RNGTT: variants seen among roughly 807,000 people sequenced by gnomAD.
RNGTT encodes mRNA-capping enzyme.
A neutral mutation model predicts 79.3 loss-of-function variants in RNGTT; 33 were observed. The ratio of observed to expected loss-of-function variants is 0.42; its 90% CI spans 0.32 to 0.56. The LOEUF (loss-of-function observed/expected upper bound fraction) is 0.56, where lower values mean the gene tolerates loss of function less well. RNGTT is among the 20% of genes least tolerant of loss of function. The pLI is 0.17. For synonymous variants in RNGTT, 222 were observed against 235.9 expected (o/e 0.94, Z 0.54); for missense variants, 497 against 739.1 (o/e 0.67, Z 3.80).
rs546707065 is a variant in RNGTT, at chr6:88,691,646, T to C, written c.1440-13227A>G. On this transcript the variant is annotated intron_variant, in intron 13 of 15. Coordinates refer to ENST00000369485, the MANE Select transcript of RNGTT (RefSeq NM_003800.5). ...GGCCTCTAGGATGCTGGCAATATTA[T>C]TTTTATTGCCCTAAGTAGTTATTAA... Among the ~76,000 whole-genome samples, 8 of 152,322 alleles carry C rather than the reference T, an allele frequency of 5.3e-5. No homozygotes were observed. The South Asian group carries it at 1.5e-3, about 28-fold the overall frequency.
intron 11 of RNGTT, among the ~76,000 whole-genome samples, chr6:88,836,455 A>G (rs938314144): frequency 3.3e-5 from 5 of 152,126 alleles, no homozygotes; most frequent in Non-Finnish European, 7.4e-5. Context: ...AAATTATCAG[A>G]TATTTGCCAG....
intron 14 of RNGTT, among the ~76,000 whole-genome samples, chr6:88,627,480 C>A (rs1471653958): frequency 6.6e-6 from 1 of 151,952 alleles, no homozygotes; most frequent in Non-Finnish European, 1.5e-5. Context: ...CCTTTCTCAC[C>A]CATTTTAAAC....
At chr6:88,857,778 A>G (rs1408612343) in intron 8 of RNGTT, among the ~76,000 whole-genome samples, 1 of 152,186 alleles carries the variant, frequency 6.6e-6, no homozygotes, top group African/African-American at 2.4e-5. Flanking sequence ...AGTAAAGCCT[A>G]TACCAAAATA....
chr6:88,914,179 G>T (rs1050250328), intron 4 of RNGTT, among the ~76,000 whole-genome samples: 4 of 151,096 alleles, frequency 2.6e-5, no homozygotes, highest in African/African-American at 9.9e-5. Context: ...TGGATTGAAA[G>T]AATCAATATC....
intron 13 of RNGTT, among the ~76,000 whole-genome samples, chr6:88,752,436 ATACTT>A (rs1426443154): frequency 9.2e-5 from 14 of 152,124 alleles, no homozygotes; most frequent in African/African-American, 3.4e-4. Flanking sequence ...AATTTCATAA[ATACTT>A]TAGGCTAAAT....
At chr6:88,626,309 A>C (rs2127767510) in intron 14 of RNGTT, among the ~76,000 whole-genome samples, 1 of 152,162 alleles carries the variant, frequency 6.6e-6, no homozygotes, top group Middle Eastern at 3.4e-3. Flanking sequence ...CTAGGTCTTC[A>C]TGAATCAAAA....
intron 14 of RNGTT, among the ~76,000 whole-genome samples, chr6:88,647,715 A>AAAAAGAAG (rs531898293): frequency 7.0e-6 from 1 of 142,446 alleles, no homozygotes; most frequent in African/African-American, 3.0e-5. Flanking sequence ...AAAAAAAAAA[A>AAAAAGAAG]AAGAAGAAGA....
intron 13 of RNGTT, among the ~76,000 whole-genome samples, chr6:88,723,672 A>G (rs1010204453): frequency 1.3e-5 from 2 of 152,216 alleles, no homozygotes; most frequent in African/African-American, 4.8e-5. Context: ...ATCTTATAGA[A>G]TAAGGATATC....
chr6:88,862,892 T>C (rs1782058373), intron 8 of RNGTT, among the ~76,000 whole-genome samples: 2 of 152,332 alleles, frequency 1.3e-5, no homozygotes, highest in South Asian at 2.1e-4. Context: ...TTCGGCAATA[T>C]AAGAGATTCT....
intron 14 of RNGTT, among the ~76,000 whole-genome samples, chr6:88,673,659 G>T (rs1406863634): frequency 6.6e-6 from 1 of 152,114 alleles, no homozygotes; most frequent in Non-Finnish European, 1.5e-5. Context: ...CAGGCATAAA[G>T]GATTGACAAA....
At chr6:88,944,277 G>A (rs939796696) in intron 1 of RNGTT, among the ~76,000 whole-genome samples, 7 of 152,184 alleles carry the variant, frequency 4.6e-5, no homozygotes, top group East Asian at 1.9e-4. Flanking sequence ...AAGCAAGAGC[G>A]ATTAAGTAAC....
chr6:88,656,368 T>A (rs1034672500), intron 14 of RNGTT, among the ~76,000 whole-genome samples: 1 of 152,162 alleles, frequency 6.6e-6, no homozygotes, highest in African/African-American at 2.4e-5. Context: ...TTACCACTCA[T>A]TATAAAATGA....
chr6:88,849,258 T>G (rs1359348181), intron 10 of RNGTT, among the ~76,000 whole-genome samples: 1 of 152,022 alleles, frequency 6.6e-6, no homozygotes, highest in African/African-American at 2.4e-5. Context: ...TTGTTTTAAA[T>G]ACAGAATTTC....
chr6:88,950,782 T>C (rs763434166), intron 1 of RNGTT, among the ~76,000 whole-genome samples: 1 of 152,018 alleles, frequency 6.6e-6, no homozygotes, highest in Non-Finnish European at 1.5e-5. Context: ...CAGTGAGCCA[T>C]GATCATGCCA....
intron 11 of RNGTT, among the ~76,000 whole-genome samples, chr6:88,815,017 G>C (rs981837935): frequency 4.6e-5 from 7 of 152,194 alleles, no homozygotes; most frequent in African/African-American, 9.6e-5. Flanking sequence ...TATCCTCCTT[G>C]ATAAGAGTAC....
intron 6 of RNGTT, among the ~76,000 whole-genome samples, chr6:88,901,230 A>G (rs1467554658): frequency 1.3e-5 from 2 of 152,056 alleles, no homozygotes; most frequent in Non-Finnish European, 2.9e-5. Context: ...CTGAAACAAT[A>G]CTTAAAAAGA....
intron 2 of RNGTT, among the ~76,000 whole-genome samples, chr6:88,937,345 CA>C (rs1369174359): frequency 6.8e-4 from 96 of 141,506 alleles, no homozygotes; most frequent in Non-Finnish European, 5.1e-4. Flanking sequence ...AACTCCATCT[CA>C]AAAAAAAAAA....
At chr6:88,873,594 T>C (rs78343107) in intron 8 of RNGTT, among the ~76,000 whole-genome samples, 14,298 of 152,122 alleles carry the variant, frequency 0.094, 837 homozygotes, top group Middle Eastern at 0.18. Flanking sequence ...GAGGGAAAAG[T>C]CTAAAAGCAT....
chr6:88,896,894 A>T (rs1404402054), intron 6 of RNGTT, among the ~76,000 whole-genome samples: 1 of 152,162 alleles, frequency 6.6e-6, no homozygotes, highest in African/African-American at 2.4e-5. Flanking sequence ...CAACCTTTAC[A>T]ATAGGTCATC....
Sources: gnomAD v4.1 joint callset for allele counts (sites outside exome capture counted in the v4.1 genomes callset) on GRCh38, gnomAD v4.1.1 for gene constraint, MANE v1.5 for transcripts, NCBI Gene and HGNC (gene_info 2026-07-23, HGNC 2026-07-21) for gene names.